OPHN1: variants seen among roughly 807,000 people sequenced by gnomAD.
OPHN1 encodes oligophrenin 1.
Under a neutral mutation model 60.7 loss-of-function variants are expected in OPHN1, and 11 were observed. That is an observed-to-expected ratio of 0.18 (90% CI 0.11 to 0.30). The LOEUF (loss-of-function observed/expected upper bound fraction) is 0.30, where lower values mean the gene tolerates loss of function less well. Among genes scored for constraint, OPHN1 ranks in the 10% least tolerant of loss-of-function variants. The pLI is 1.00. For synonymous variants in OPHN1, 226 were observed against 222.6 expected, an observed-to-expected ratio of 1.02 and a Z score of -0.14; for missense variants, 449 against 611.0, an observed-to-expected ratio of 0.73 and a Z score of 2.80.
In OPHN1 at chrX:68,045,754, G is replaced by T. The variant is rs1251465658; in HGVS notation, c.*1418C>A. 8.9e-6 allele frequency: 1 copy of T among 111,839 alleles called. No individual in the cohort carries two copies. The highest frequency in any genetic ancestry group is 3.3e-5 in the African/African-American group (1 of 30,766). The allele number at this position is 111,839 out of a possible 1,213,427, so 9.2% of individuals were successfully genotyped here. Reference sequence around the variant, plus strand: ...AGCAAATGAAAGGGACCTGGCAAGGGTTTATGTCCTAACATTTTTCACTTG... The same window carrying T: ...AGCAAATGAAAGGGACCTGGCAAGGTTTTATGTCCTAACATTTTTCACTTG... On this transcript the variant is annotated 3_prime_UTR_variant, in exon 25 of 25. Transcript: ENST00000355520.
At chrX:68,205,917 T>G (rs940469982) in intron 10 of OPHN1, among the ~76,000 whole-genome samples, 1 of 110,790 alleles carries the variant, frequency 9.0e-6, no homozygotes, top group Non-Finnish European at 1.9e-5. Context: ...ACAATCTGTC[T>G]AAAGATCAGC....
intron 5 of OPHN1, among the ~76,000 whole-genome samples, chrX:68,251,971 G>A (rs1464523937): frequency 8.9e-6 from 1 of 112,039 alleles, no homozygotes. Flanking sequence ...CTGATGTTGG[G>A]CTTGGCCATA....
intron 20 of OPHN1, chrX:68,071,494 T>G (rs2076934392): frequency 1.3e-6 from 1 of 780,041 alleles, no homozygotes; most frequent in Admixed American, 2.2e-5. Flanking sequence ...GAACAGAACA[T>G]CCTTGCCCAG....
At chrX:68,241,572 C>A (rs2077780569) in intron 5 of OPHN1, among the ~76,000 whole-genome samples, 1 of 111,163 alleles carries the variant, frequency 9.0e-6, no homozygotes, top group Non-Finnish European at 1.9e-5. Context: ...CACAATTATG[C>A]ATATATATTT....
Position 68,366,703 on chromosome X carries a change from C to T in OPHN1, c.154+66164G>A, listed in dbSNP as rs140112903. Among the ~76,000 whole-genome samples the T allele has an allele frequency of 2.2e-4, 25 of 111,684 alleles. No individual in the cohort carries two copies. The East Asian group carries it at 7.0e-3, about 31-fold the overall frequency. On this transcript the variant is annotated intron_variant, in intron 2 of 24. Coordinates refer to ENST00000355520, the MANE Select transcript of OPHN1 (RefSeq NM_002547.3). ...TTGAAATTACGATACATTTTACTATCAATGGCATGCCACATGCTAACTGAC... is the reference window on the plus strand; with the variant it reads ...TTGAAATTACGATACATTTTACTATTAATGGCATGCCACATGCTAACTGAC...
chrX:68,312,156 C>G (rs928654557), intron 2 of OPHN1, among the ~76,000 whole-genome samples: 9 of 100,656 alleles, frequency 8.9e-5, no homozygotes, highest in African/African-American at 3.3e-4. Flanking sequence ...CTGGAGTATA[C>G]TGGCACAATC....
intron 2 of OPHN1, among the ~76,000 whole-genome samples, chrX:68,332,588 A>T (rs193200285): frequency 8.9e-6 from 1 of 111,855 alleles, no homozygotes; most frequent in Non-Finnish European, 1.9e-5. Context: ...ACTTATTAAC[A>T]TCTGAAAAGC....
intron 2 of OPHN1, among the ~76,000 whole-genome samples, chrX:68,384,613 T>A (rs190682419): frequency 4.6e-4 from 50 of 109,677 alleles, no homozygotes; most frequent in African/African-American, 1.6e-3. Context: ...TCCCAGCTAC[T>A]CGGAAGGCTG....
chrX:68,332,613 T>A (rs1039738051), intron 2 of OPHN1, among the ~76,000 whole-genome samples: 3 of 111,599 alleles, frequency 2.7e-5, no homozygotes, highest in Non-Finnish European at 3.8e-5. Flanking sequence ...CTTTTTCAAA[T>A]TTGCTGAATA....
intron 2 of OPHN1, among the ~76,000 whole-genome samples, chrX:68,374,659 C>G (rs777206610): frequency 9.0e-6 from 1 of 110,949 alleles, no homozygotes; most frequent in South Asian, 3.8e-4. Flanking sequence ...AAGCCACCAA[C>G]TAGAAGACAA....
intron 15 of OPHN1, among the ~76,000 whole-genome samples, chrX:68,148,999 C>A (rs62607095): frequency 0.021 from 2,333 of 111,090 alleles, 23 homozygotes; most frequent in Non-Finnish European, 0.03. Context: ...TTTTATGTAG[C>A]AAAATTTTTC....
chrX:68,394,774 G>A (rs1437802533), intron 2 of OPHN1, among the ~76,000 whole-genome samples: 1 of 111,152 alleles, frequency 9.0e-6, no homozygotes, highest in African/African-American at 3.3e-5. Context: ...ACCCTCCCAA[G>A]TAGCTGGGAC....
chrX:68,219,375 A>T (rs2077638096), intron 6 of OPHN1, among the ~76,000 whole-genome samples: 1 of 96,547 alleles, frequency 1.0e-5, no homozygotes, highest in Non-Finnish European at 2.1e-5. Flanking sequence ...GATCAAAGAG[A>T]CAGAAAGTCA....
intron 21 of OPHN1, among the ~76,000 whole-genome samples, chrX:68,059,676 CAGTGGAGAATTA>C (rs1424038643): frequency 8.9e-6 from 1 of 111,869 alleles, no homozygotes; most frequent in Non-Finnish European, 1.9e-5. Flanking sequence ...TTAGTCACCT[CAGTGGAGAATTA>C]ATGGCTCTGT....
intron 6 of OPHN1, among the ~76,000 whole-genome samples, chrX:68,232,003 A>C (rs2077731049): frequency 8.9e-6 from 1 of 112,341 alleles, no homozygotes; most frequent in South Asian, 3.7e-4. Context: ...AGGGCATATG[A>C]GAACTCTGTA....
chrX:68,383,428 C>T (rs2078607721), intron 2 of OPHN1, among the ~76,000 whole-genome samples: 2 of 107,892 alleles, frequency 1.9e-5, no homozygotes, highest in Non-Finnish European at 3.8e-5. Flanking sequence ...CCCGCCTCTA[C>T]TAAAAATACA....
At position 68,046,150 on chromosome X, in the gene OPHN1, G is replaced by C. The variant is rs2076831641; in HGVS notation, c.*1022C>G. On this transcript the variant is annotated 3_prime_UTR_variant, in exon 25 of 25. Transcript: ENST00000355520. The stretch of plus-strand genomic sequence containing the variant: ...TCCCCAGAAAGGGCATATTGTCATG[G>C]AATTGTGCATACCATCTCAGGGGCA... The C allele has an allele frequency of 8.9e-6, 1 of 112,122 alleles. No individual in the cohort carries two copies. Among genetic ancestry groups the C allele is most frequent in the South Asian group, 3.7e-4 (1 of 2,689 alleles). 9.2% of individuals were successfully genotyped at this position (112,122 alleles called of 1,213,427 possible).
At chrX:68,423,695 C>T (rs984448060) in intron 2 of OPHN1, among the ~76,000 whole-genome samples, 8 of 111,863 alleles carry the variant, frequency 7.2e-5, no homozygotes, top group Non-Finnish European at 1.5e-4. Context: ...TCATTTATAA[C>T]ACTTTTCTCA....
At chrX:68,324,977 G>A (rs1243617998) in intron 2 of OPHN1, among the ~76,000 whole-genome samples, 1 of 111,465 alleles carries the variant, frequency 9.0e-6, no homozygotes, top group Non-Finnish European at 1.9e-5. Context: ...CTTGAGCTTG[G>A]GAGGTCAAGG....
Sources: gnomAD v4.1 joint callset for allele counts (sites outside exome capture counted in the v4.1 genomes callset) on GRCh38, gnomAD v4.1.1 for gene constraint, MANE v1.5 for transcripts, NCBI Gene and HGNC (gene_info 2026-07-23, HGNC 2026-07-21) for gene names.